Variants in KMO observed in about 807,000 individuals in gnomAD.
KMO encodes kynurenine 3-monooxygenase, also known as kynurenine 3-hydroxylase.
Under a neutral mutation model 57.8 loss-of-function variants are expected in KMO, and 24 were observed. The ratio of observed to expected loss-of-function variants is 0.42; its 90% CI spans 0.30 to 0.58. The LOEUF is 0.58. Among genes scored for constraint, KMO ranks in the 20% least tolerant of loss-of-function variants. The probability of loss-of-function intolerance (pLI) is 0.22; values close to 1 mark genes in which losing one functional copy is unlikely to be tolerated. For synonymous variants in KMO, 210 were observed against 193.6 expected (o/e 1.08, Z -0.70); for missense variants, 483 against 588.2 (o/e 0.82, Z 1.85).
chr1:241,563,248 A>G (rs578088020), intron 7 of KMO, among the ~76,000 whole-genome samples: 1 of 152,326 alleles, frequency 6.6e-6, no homozygotes, highest in East Asian at 1.9e-4. Flanking sequence ...TCATAAGCAA[A>G]TAAGTGTAGG....
intron 1 of KMO, among the ~76,000 whole-genome samples, chr1:241,538,667 T>C (rs1660835163): frequency 6.6e-6 from 1 of 152,156 alleles, no homozygotes. Context: ...CCTTCTTAAA[T>C]ATGAAAAACT....
At chr1:241,575,630 A>C (rs1451080178) in intron 10 of KMO, among the ~76,000 whole-genome samples, 2 of 152,080 alleles carry the variant, frequency 1.3e-5, no homozygotes, top group Admixed American at 1.3e-4. Flanking sequence ...TGGGCTGAGA[A>C]GATAACTGGA....
rs143436506 is a variant in KMO at position 241,572,013 on chromosome 1, C to T, written c.957+3366C>T. On this transcript the variant is annotated intron_variant, in intron 10 of 14. Transcript: ENST00000366559. ...TCCCCAGTAGCTGGGACTACAGGCA[C>T]GTGCCACTATGCCCAGCTTATTTTT... 2.4e-4 allele frequency among the ~76,000 whole-genome samples: 36 copies of T among 151,768 alleles called. 1 individual carries two copies. Among genetic ancestry groups the T allele is most frequent in the Admixed American group, 1.1e-3 (17 of 15,246 alleles).
chr1:241,537,172 A>T (rs1272951031), intron 1 of KMO, among the ~76,000 whole-genome samples: 2 of 152,158 alleles, frequency 1.3e-5, no homozygotes, highest in African/African-American at 2.4e-5. Context: ...TTGGACTAAA[A>T]CTAGATTGCT....
chr1:241,545,147 C>T (rs1312383716), intron 1 of KMO, among the ~76,000 whole-genome samples: 2 of 152,104 alleles, frequency 1.3e-5, no homozygotes, highest in Non-Finnish European at 2.9e-5. Context: ...TATTTATACA[C>T]TGAACAAATA....
chr1:241,538,837 C>CT (rs936936498), intron 1 of KMO, among the ~76,000 whole-genome samples: 23 of 152,290 alleles, frequency 1.5e-4, no homozygotes, highest in Middle Eastern at 6.8e-3. Flanking sequence ...GAACCAACAA[C>CT]TTTAGACAGC....
intron 1 of KMO, among the ~76,000 whole-genome samples, chr1:241,540,893 G>C (rs1363730260): frequency 1.3e-5 from 2 of 151,912 alleles, no homozygotes; most frequent in Non-Finnish European, 2.9e-5. Context: ...GCAAGATCCT[G>C]TCTCTACAAA....
chr1:241,583,789 A>G (rs1662854752), intron 10 of KMO, among the ~76,000 whole-genome samples: 1 of 111,788 alleles, frequency 8.9e-6, no homozygotes, highest in Non-Finnish European at 1.7e-5. Flanking sequence ...GAACTTGGGT[A>G]TATGTGGCTG....
intron 10 of KMO, among the ~76,000 whole-genome samples, chr1:241,573,119 G>T (rs1251762443): frequency 6.6e-6 from 1 of 151,868 alleles, no homozygotes; most frequent in African/African-American, 2.4e-5. Flanking sequence ...TGTCTTTTTT[G>T]GTATTGGTAT....
intron 1 of KMO, chr1:241,536,630 C>T (rs59091962): frequency 0.047 from 13,482 of 285,650 alleles, 578 homozygotes; most frequent in East Asian, 0.14. Flanking sequence ...GTCCACTATT[C>T]TAGCATGTAT....
At chr1:241,542,340 T>C (rs1660987264) in intron 1 of KMO, among the ~76,000 whole-genome samples, 1 of 152,170 alleles carries the variant, frequency 6.6e-6, no homozygotes, top group Admixed American at 6.6e-5. Context: ...GGCATCCCTA[T>C]ACAGCACATG....
At position 241,592,259 on chromosome 1, in the gene KMO, T is replaced by C; in HGVS notation, c.*106T>C. The C allele has an allele frequency of 1.3e-6, 1 of 782,648 alleles. No individual in the cohort carries two copies. The highest frequency in any genetic ancestry group is 2.3e-4 in the Middle Eastern group (1 of 4,298). The allele number at this position is 782,648 out of a possible 1,614,324, so 48.5% of individuals were successfully genotyped here. ...TTGATTCACTAGTGGAAGATAGTGT[T>C]CTGCTTATAATTAAACTGAATGTAG... is the stretch of plus-strand genomic sequence containing the variant. On this transcript the variant is annotated 3_prime_UTR_variant, in exon 15 of 15. Coordinates refer to ENST00000366559, the MANE Select transcript of KMO (RefSeq NM_003679.5).
intron 1 of KMO, among the ~76,000 whole-genome samples, chr1:241,541,580 C>T (rs909228494): frequency 2.0e-5 from 3 of 152,142 alleles, no homozygotes; most frequent in African/African-American, 7.2e-5. Flanking sequence ...CATCATTCAC[C>T]TTCTCATAAG....
At chr1:241,569,558 T>C (rs1286852432) in intron 10 of KMO, among the ~76,000 whole-genome samples, 4 of 152,182 alleles carry the variant, frequency 2.6e-5, no homozygotes, top group East Asian at 1.9e-4. Context: ...CATTCATCCA[T>C]TGATGGACAC....
At chr1:241,579,576 A>G (rs1441264351) in intron 10 of KMO, among the ~76,000 whole-genome samples, 1 of 152,052 alleles carries the variant, frequency 6.6e-6, no homozygotes, top group African/African-American at 2.4e-5. Context: ...TTGGCAAGGC[A>G]GGTCTTACAC....
chr1:241,535,252 GT>G (rs1011596132), intron 1 of KMO, among the ~76,000 whole-genome samples: 29 of 150,384 alleles, frequency 1.9e-4, no homozygotes, highest in South Asian at 4.2e-4. Context: ...ATCTTCTTCT[GT>G]TTTTTTTTCC....
chr1:241,571,894 G>T (rs1169751305), intron 10 of KMO, among the ~76,000 whole-genome samples: 1 of 132,100 alleles, frequency 7.6e-6, no homozygotes, highest in African/African-American at 2.8e-5. Context: ...TTGAGATGGA[G>T]TCTCGCTCTG....
chr1:241,590,143 T>G, intron 13 of KMO, 30 bp downstream of exon 13: 5 of 1,608,846 alleles, frequency 3.1e-6, no homozygotes, highest in Non-Finnish European at 3.4e-6. Flanking sequence ...CTTTTCCTCA[T>G]TTTGATTTTC....
In KMO at chr1:241,545,773, C is replaced by A. The variant is rs557451575; in HGVS notation, c.55-3056C>A. On this transcript the variant is annotated intron_variant, in intron 1 of 14. Transcript: ENST00000366559. ...TTGCAGGATTTGAGGTAGGGTGGCC[C>A]AGGAAATCTTTTTTTAGAGAGTGAA... Among the ~76,000 whole-genome samples the A allele has an allele frequency of 2.0e-5, 3 of 152,084 alleles. No homozygotes were observed. The South Asian group carries it at 6.2e-4, about 32-fold the overall frequency.
Sources: allele counts gnomAD v4.1 joint callset (sites outside exome capture counted in the v4.1 genomes callset), GRCh38; gene constraint gnomAD v4.1.1; transcripts MANE v1.5; gene names NCBI Gene and HGNC (gene_info 2026-07-23, HGNC 2026-07-21).